The following GOLGA2 variants were observed in gnomAD, a reference collection of about 807,000 sequenced individuals.
The protein encoded by GOLGA2 is golgin subfamily A member 2.
Under a neutral mutation model 148.8 loss-of-function variants are expected in GOLGA2, and 49 were observed. The observed-to-expected ratio is 0.33, with a 90% CI of 0.26 to 0.42. The LOEUF (loss-of-function observed/expected upper bound fraction) is 0.42, where lower values mean the gene tolerates loss of function less well. Among genes scored for constraint, GOLGA2 ranks in the 10% least tolerant of loss-of-function variants. The pLI is 1.00. For missense variants in GOLGA2, 1,178 were observed against 1,304.6 expected, an observed-to-expected ratio of 0.90 and a Z score of 1.49; for synonymous variants, 501 against 511.8, an observed-to-expected ratio of 0.98 and a Z score of 0.28.
intron 4 of GOLGA2, 76 bp from the exon 5 acceptor site, chr9:128,268,236 C>T: frequency 7.5e-7 from 1 of 1,330,546 alleles, no homozygotes; most frequent in Non-Finnish European, 1.1e-6. Flanking sequence ...AGTCAAGCTC[C>T]CAAACTCATT....
Position 128,266,691 on chromosome 9 carries a change from C to T in GOLGA2, c.643-366G>A. On this transcript the variant is annotated intron_variant, in intron 8 of 26. Coordinates refer to ENST00000611957, the MANE Select transcript of GOLGA2 (RefSeq NM_001366244.2). This position sits in a 1 kb window ranked among gnomAD's most constrained non-coding sequence, Gnocchi z 4.2. ...ACAGGCCAGGTACGGTTCTTAATAG[C>T]AGGGATACCAGACAGAAAAAGACAG... 2.6e-6 allele frequency: 1 copy of T among 388,496 alleles called. No homozygotes were observed. Among genetic ancestry groups the T allele is most frequent in the Non-Finnish European group, 4.7e-6 (1 of 214,070 alleles). 24.1% of individuals were successfully genotyped at this position (388,496 alleles called of 1,614,324 possible).
At position 128,275,921 on chromosome 9, in the gene GOLGA2, T is replaced by G; in HGVS notation, c.56A>C (p.Gln19Pro). 6.3e-7 allele frequency: 1 copy of G among 1,589,278 alleles called. No individual in the cohort carries two copies. The highest frequency in any genetic ancestry group is 8.6e-7 in the Non-Finnish European group (1 of 1,167,986). The change falls in exon 1 of 27, where the codon CAG becomes CCG. Residue 19 changes from glutamine to proline, a missense_variant. By Grantham distance (76) the Gln-to-Pro change is moderately conservative. Around this residue, in one of 5 missense-constraint regions of GOLGA2, gnomAD observed 158 missense variants for 156.6 expected, o/e 1.01. Transcript: ENST00000611957. ...PRPAMSEETR[Q>P]SKLAAAKKKL... is the part of the protein sequence containing the mutation. Reference sequence around the variant, plus strand: ...TTTCTTCGCTGCGGCCAATTTGCTCTGTCGGGTTTCTTCCGACATCGCGGG... The same window carrying G: ...TTTCTTCGCTGCGGCCAATTTGCTCGGTCGGGTTTCTTCCGACATCGCGGG...
At chr9:128,269,690 T>G (rs1383786935) in intron 3 of GOLGA2, among the ~76,000 whole-genome samples, 1 of 152,180 alleles carries the variant, frequency 6.6e-6, no homozygotes, top group Non-Finnish European at 1.5e-5. Flanking sequence ...AAAAGCTGGC[T>G]GACCAGCTAA....
intron 1 of GOLGA2, among the ~76,000 whole-genome samples, chr9:128,274,380 G>A (rs118173492): frequency 0.04 from 6,030 of 152,198 alleles, 133 homozygotes; most frequent in Middle Eastern, 0.079. Flanking sequence ...CTCCACCAAG[G>A]AGAATTCAAA....
At chr9:128,259,875 G>A (rs1304111552) in intron 19 of GOLGA2, among the ~76,000 whole-genome samples, 4 of 152,180 alleles carry the variant, frequency 2.6e-5, no homozygotes, top group South Asian at 2.1e-4. Flanking sequence ...TAGCTGGGAC[G>A]ATGATGTCCA....
In GOLGA2 at chr9:128,257,933, G is replaced by A. The variant is rs1158867909; in HGVS notation, c.2509-41C>T. The A allele has an allele frequency of 1.9e-6, 3 of 1,606,142 alleles. No homozygotes were observed. Among genetic ancestry groups the A allele is most frequent in the Non-Finnish European group, 1.7e-6 (2 of 1,173,132 alleles). ...TGGAGTCATATATCGGCAGCGACCT[G>A]CCCCGCCCCCACCCTTCTTGACCCA... On this transcript the variant is annotated intron_variant, in intron 23 of 26. Transcript: ENST00000611957. This position sits in a 1 kb window ranked among gnomAD's most constrained non-coding sequence, Gnocchi z 8.0.
At position 128,257,436 on chromosome 9, in the gene GOLGA2, G is replaced by A. The variant is rs1438425653; in HGVS notation, c.2808C>T (p.Asn936=). 1.2e-6 allele frequency: 2 copies of A among 1,612,958 alleles called. No individual in the cohort carries two copies. The highest frequency in any genetic ancestry group is 1.7e-6 in the Non-Finnish European group (2 of 1,179,994). ...WHGRFLAAAQ[N]PADEPTSGAP... Reference sequence around the variant, plus strand: ...CCCCTGAAGTGGGCTCATCAGCAGGGTTCTGGGCAGCTGCCAGGAATCTGC... The same window carrying A: ...CCCCTGAAGTGGGCTCATCAGCAGGATTCTGGGCAGCTGCCAGGAATCTGC... The change falls in exon 26 of 27, where the codon AAC becomes AAT. Residue 936 remains asparagine (N), a synonymous_variant. Transcript: ENST00000611957. The surrounding 1 kb of genome is among the most constrained non-coding windows in gnomAD (Gnocchi z 8.0).
chr9:128,260,983 C>T lies in GOLGA2; in HGVS notation c.1421-181G>A. ...ACAACTGTGGGTGGCTGACAACGGG[C>T]ACTCCTTCGTCTTTGCTGATGGGGC... is the stretch of plus-strand genomic sequence containing the variant. On this transcript the variant is annotated intron_variant, in intron 17 of 26. Transcript: ENST00000611957. This position sits in a 1 kb window ranked among gnomAD's most constrained non-coding sequence, Gnocchi z 4.8. The T allele has an allele frequency of 1.5e-6, 1 of 660,460 alleles. No individual in the cohort carries two copies. The allele number at this position is 660,460 out of a possible 1,614,324, so 40.9% of individuals were successfully genotyped here.
chr9:128,257,034 A>G lies in GOLGA2; in HGVS notation c.*33T>C. ...TGGTGGGGGCAGGGTATCCAGCCCC[A>G]CTTCTTCAGGCTTTGCTGACAGTAG... On this transcript the variant is annotated 3_prime_UTR_variant, in exon 27 of 27. Transcript: ENST00000611957. The surrounding 1 kb of genome is among the most constrained non-coding windows in gnomAD (Gnocchi z 8.0). 6.6e-7 allele frequency: 1 copy of G among 1,526,522 alleles called. No homozygotes were observed. Among genetic ancestry groups the G allele is most frequent in the South Asian group, 1.2e-5 (1 of 86,820 alleles). 94.6% of individuals were successfully genotyped at this position (1,526,522 alleles called of 1,614,324 possible).
At chr9:128,267,426 G>C in intron 7 of GOLGA2, 32 bp downstream of exon 7, 1 of 1,589,668 alleles carries the variant, frequency 6.3e-7, no homozygotes, top group South Asian at 1.1e-5. Flanking sequence ...CTGGCCTGCA[G>C]GGTCACTGGG....
In GOLGA2 at chr9:128,267,491, G is replaced by A; in HGVS notation, c.528C>T (p.Gly176=). ...CESATCVNGE[G]PASSANLKDL... is the part of the protein sequence containing the mutation. ...CCTTCAGGTTAGCAGACGATGCAGG[G>A]CCCTCCCCATTGACACATGTCGCAG... The change falls in exon 7 of 27, where the codon GGC becomes GGT. Residue 176 remains glycine (G), a synonymous_variant. Coordinates refer to ENST00000611957, the MANE Select transcript of GOLGA2 (RefSeq NM_001366244.2). 1 of 1,613,358 alleles carries A rather than the reference G, an allele frequency of 6.2e-7. No individual in the cohort carries two copies. Among genetic ancestry groups the A allele is most frequent in the Non-Finnish European group, 8.5e-7 (1 of 1,179,330 alleles).
At chr9:128,274,487 C>T (rs1409909768) in intron 1 of GOLGA2, among the ~76,000 whole-genome samples, 10 of 152,184 alleles carry the variant, frequency 6.6e-5, no homozygotes, top group Admixed American at 3.9e-4. Context: ...GACTGGGCAA[C>T]ACAGTGACAC....
Position 128,272,809 on chromosome 9 carries a change from C to CGCTA in GOLGA2, c.260_263dup (p.Leu89SerfsTer22), listed in dbSNP as rs1454921653. On this transcript the variant is annotated frameshift_variant, in exon 3 of 27. Coordinates refer to ENST00000611957, the MANE Select transcript of GOLGA2 (RefSeq NM_001366244.2). ...CCTTCCACTTGTCCAATGGGGGGAG[C>CGCTA]GCTACCCCATTGGAACGGTTAAGGT... The CGCTA allele has an allele frequency of 7.9e-7, 1 of 1,272,724 alleles. No individual in the cohort carries two copies. Among genetic ancestry groups the CGCTA allele is most frequent in the South Asian group, 1.2e-5 (1 of 80,376 alleles). 78.8% of individuals were successfully genotyped at this position (1,272,724 alleles called of 1,614,324 possible).
chr9:128,264,518 C>T (rs1171385650), intron 12 of GOLGA2, among the ~76,000 whole-genome samples: 1 of 152,150 alleles, frequency 6.6e-6, no homozygotes, highest in Non-Finnish European at 1.5e-5. Context: ...ACTTCCGCCC[C>T]CGGGTTCAAG....
At position 128,267,536 on chromosome 9, in the gene GOLGA2, C is replaced by T. The variant is rs777088729; in HGVS notation, c.502-19G>A. The T allele has an allele frequency of 1.3e-6, 2 of 1,591,322 alleles. No homozygotes were observed. Among genetic ancestry groups the T allele is most frequent in the South Asian group, 1.1e-5 (1 of 90,608 alleles). ...TCGCAGACTATAAGAGACGAGAGTG[C>T]ACATGGAGATGTTCTGTCCCCTCAG... On this transcript the variant is annotated intron_variant, in intron 6 of 26. Coordinates refer to ENST00000611957, the MANE Select transcript of GOLGA2 (RefSeq NM_001366244.2).
At position 128,261,886 on chromosome 9, in the gene GOLGA2, G is replaced by A. The variant is rs1830299525; in HGVS notation, c.1135-129C>T. The A allele has an allele frequency of 3.2e-6, 2 of 631,776 alleles. No homozygotes were observed. The highest frequency in any genetic ancestry group is 5.7e-6 in the Non-Finnish European group (2 of 349,896). The allele number at this position is 631,776 out of a possible 1,614,324, so 39.1% of individuals were successfully genotyped here. On this transcript the variant is annotated intron_variant, in intron 14 of 26. Transcript: ENST00000611957. This position sits in a 1 kb window ranked among gnomAD's most constrained non-coding sequence, Gnocchi z 5.7. ...TACAACTCTGCTGTCAAGTTTCTTT[G>A]CTTTAGAAATAAAAAATAATTTTAA...
chr9:128,261,120 C>G lies in GOLGA2; in HGVS notation c.1420+52G>C. 3.1e-6 allele frequency: 4 copies of G among 1,275,076 alleles called. No homozygotes were observed. In the South Asian group the frequency reaches 3.6e-5, roughly 11 times the overall value. 79.0% of individuals were successfully genotyped at this position (1,275,076 alleles called of 1,614,324 possible). A position where few individuals can be genotyped will look rare whatever the true frequency, so the allele number is the denominator to read the frequency against. ...TCCCTGGGGCATTCTAAACCACCCC[C>G]ACAACCCTCTGACACCATTCCTGCT... On this transcript the variant is annotated intron_variant, in intron 17 of 26. Transcript: ENST00000611957. The surrounding 1 kb of genome is among the most constrained non-coding windows in gnomAD (Gnocchi z 5.7).
Position 128,265,646 on chromosome 9 carries a change from C to T in GOLGA2, c.872G>A (p.Arg291His), listed in dbSNP as rs772613671. ...GAGAGCCCGCTCCAACTCTCCCACA[C>T]GCCGCCGGGAATACTGCAGGCGGCT... ...LASRLQYSRRRVGELERALSA... is the reference protein window; with the variant it reads ...LASRLQYSRRHVGELERALSA... Residue 291 changes from arginine (R) to histidine (H), a missense_variant, in exon 12 of 27, where the codon CGT becomes CAT. Arg to His is a conservative substitution (Grantham distance 29). Around this residue, in one of 5 missense-constraint regions of GOLGA2, gnomAD observed 304 missense variants for 404.1 expected, o/e 0.75. Coordinates refer to ENST00000611957, the MANE Select transcript of GOLGA2 (RefSeq NM_001366244.2). 13 of 1,613,760 alleles carry T rather than the reference C, an allele frequency of 8.1e-6. No individual in the cohort carries two copies. Among genetic ancestry groups the T allele is most frequent in the Middle Eastern group, 1.6e-4 (1 of 6,084 alleles).
intron 1 of GOLGA2, among the ~76,000 whole-genome samples, chr9:128,274,601 G>C (rs1485961158): frequency 6.6e-6 from 1 of 152,186 alleles, no homozygotes; most frequent in East Asian, 1.9e-4. Context: ...TCACACGTTT[G>C]GTAATGTTAA....
Sources: allele counts gnomAD v4.1 joint callset (sites outside exome capture counted in the v4.1 genomes callset), GRCh38; gene constraint gnomAD v4.1.1; regional missense constraint gnomAD v4.1.1; non-coding constraint Gnocchi (gnomAD v3.1); transcripts MANE v1.5; gene names NCBI Gene and HGNC (gene_info 2026-07-23, HGNC 2026-07-21).